Variants in CFAP77 observed in about 807,000 individuals in gnomAD.
CFAP77 encodes the protein cilia and flagella associated protein 77, also known as cilia- and flagella-associated protein 77.
A neutral mutation model predicts 31.1 loss-of-function variants in CFAP77; 25 were observed. That is an observed-to-expected ratio of 0.80 (90% CI 0.59 to 1.12). CFAP77 has a LOEUF of 1.12. Among genes scored for constraint, CFAP77 ranks in the 50% most tolerant of loss-of-function variants. The probability of loss-of-function intolerance (pLI) is 0.00; values close to 1 mark genes in which losing one functional copy is unlikely to be tolerated. For missense variants in CFAP77, 377 were observed against 397.3 expected, an observed-to-expected ratio of 0.95 and a Z score of 0.44; for synonymous variants, 151 against 159.9, an observed-to-expected ratio of 0.94 and a Z score of 0.42.
At chr9:132,514,460 G>A (rs1003031927) in intron 3 of CFAP77, among the ~76,000 whole-genome samples, 8 of 152,202 alleles carry the variant, frequency 5.3e-5, no homozygotes, top group South Asian at 2.1e-4. Context: ...CACTACCTCC[G>A]GGCAGAGGTG....
At chr9:132,493,218 C>G (rs1851678267) in intron 1 of CFAP77, among the ~76,000 whole-genome samples, 1 of 152,112 alleles carries the variant, frequency 6.6e-6, no homozygotes, top group Non-Finnish European at 1.5e-5. Flanking sequence ...TTCTGAGTGT[C>G]CAAATCTGCT....
chr9:132,537,795 G>T, intron 4 of CFAP77, 89 bp downstream of exon 4: 1 of 925,780 alleles, frequency 1.1e-6, no homozygotes, highest in Non-Finnish European at 1.7e-6. Flanking sequence ...GATGACACTT[G>T]TGTATGTTTG....
At chr9:132,572,132 T>C (rs1278379408) in intron 5 of CFAP77, among the ~76,000 whole-genome samples, 6 of 152,154 alleles carry the variant, frequency 3.9e-5, no homozygotes, top group African/African-American at 1.2e-4. Flanking sequence ...GGTCATGGCC[T>C]GGTGATTTTT....
intron 1 of CFAP77, among the ~76,000 whole-genome samples, chr9:132,425,313 C>T (rs183693026): frequency 9.2e-5 from 14 of 152,200 alleles, no homozygotes; most frequent in Admixed American, 3.3e-4. Context: ...CAGAAGGGCC[C>T]GATTCCCTTT....
rs1829983194 is a variant in CFAP77, at chr9:132,573,002, G to T, written c.*492G>T. ...GGATGCCTGATGTCTCATCACGGCA[G>T]TATTATCTCTCTGGGACCTCTGACA... is the stretch of plus-strand genomic sequence containing the variant. On this transcript the variant is annotated 3_prime_UTR_variant, in exon 6 of 6. Transcript: ENST00000393216. 1 of 155,520 alleles carries T rather than the reference G, an allele frequency of 6.4e-6. No homozygotes were observed. Among genetic ancestry groups the T allele is most frequent in the Non-Finnish European group, 1.4e-5 (1 of 70,456 alleles). The allele number at this position is 155,520 out of a possible 1,614,324, so 9.6% of individuals were successfully genotyped here. A position where few individuals can be genotyped will look rare whatever the true frequency, so the allele number is the denominator to read the frequency against.
Position 132,564,335 on chromosome 9 carries a change from A to G in CFAP77, c.733-8053A>G, listed in dbSNP as rs1254976190. On this transcript the variant is annotated intron_variant, in intron 5 of 5. Coordinates refer to ENST00000393216, the MANE Select transcript of CFAP77 (RefSeq NM_001282957.2). The surrounding 1 kb of genome is among the most constrained non-coding windows in gnomAD (Gnocchi z 4.6). ...TCATTGAAAGTAGAACAGATTTTTCAAGCAAGAATACAAAGCAAAACCTCA... is the reference window on the plus strand; with the variant it reads ...TCATTGAAAGTAGAACAGATTTTTCGAGCAAGAATACAAAGCAAAACCTCA... Among the ~76,000 whole-genome samples the G allele has an allele frequency of 1.3e-5, 2 of 152,234 alleles. No individual in the cohort carries two copies. The highest frequency in any genetic ancestry group is 2.9e-5 in the Non-Finnish European group (2 of 68,034).
chr9:132,421,725 GTCAT>G, intron 1 of CFAP77: 1 of 152,332 alleles, frequency 6.6e-6, no homozygotes, highest in Non-Finnish European at 1.5e-5. Flanking sequence ...GTGACATTCA[GTCAT>G]TCATTCATTT....
chr9:132,520,882 C>T (rs933788501), intron 3 of CFAP77, among the ~76,000 whole-genome samples: 6 of 152,360 alleles, frequency 3.9e-5, no homozygotes, highest in African/African-American at 9.6e-5. Flanking sequence ...CCAGGAGGGC[C>T]GTGCTGCCTA....
At chr9:132,568,389 T>C (rs1296146650) in intron 5 of CFAP77, among the ~76,000 whole-genome samples, 1 of 151,962 alleles carries the variant, frequency 6.6e-6, no homozygotes, top group Non-Finnish European at 1.5e-5. Flanking sequence ...ACCCCGTTTC[T>C]ACTAAAAATA....
rs546286486 is a variant in CFAP77, at chr9:132,420,630, C to T, written c.195+10164C>T. 5.3e-5 allele frequency among the ~76,000 whole-genome samples: 8 copies of T among 150,754 alleles called. No individual in the cohort carries two copies. In the South Asian group the frequency reaches 1.0e-3, roughly 20 times the overall value. On this transcript the variant is annotated intron_variant, in intron 1 of 5. Coordinates refer to ENST00000393216, the MANE Select transcript of CFAP77 (RefSeq NM_001282957.2). ...GAGCCAAGATCGCGCCATTGCACTC[C>T]GGCCTGCAGCCTGGGTGACAAGTGA...
chr9:132,476,708 G>A (rs1230045302), intron 1 of CFAP77, among the ~76,000 whole-genome samples: 1 of 152,120 alleles, frequency 6.6e-6, no homozygotes, highest in Non-Finnish European at 1.5e-5. Context: ...AGGGGAGAAG[G>A]CCATGTGGAA....
intron 3 of CFAP77, among the ~76,000 whole-genome samples, chr9:132,510,377 G>A (rs1012167586): frequency 2.0e-5 from 3 of 152,230 alleles, no homozygotes; most frequent in Admixed American, 1.3e-4. Context: ...TGGCCCGGCC[G>A]TGGGCCTCTT....
chr9:132,508,926 T>C (rs1386506685), intron 3 of CFAP77, among the ~76,000 whole-genome samples: 1 of 152,144 alleles, frequency 6.6e-6, no homozygotes, highest in Admixed American at 6.5e-5. Flanking sequence ...GCTGTTCATA[T>C]CCACAGGCCG....
intron 1 of CFAP77, chr9:132,482,394 C>T: frequency 6.2e-7 from 1 of 1,613,292 alleles, no homozygotes; most frequent in Non-Finnish European, 8.5e-7. Context: ...CCTTGCTGGA[C>T]ACCACATCAA....
chr9:132,510,912 C>T (rs766566550), intron 3 of CFAP77, among the ~76,000 whole-genome samples: 21 of 152,126 alleles, frequency 1.4e-4, no homozygotes, highest in Admixed American at 1.3e-4. Flanking sequence ...AACTGACTCT[C>T]TTATCCCCAT....
Position 132,499,465 on chromosome 9 carries a change from C to A in CFAP77, c.389C>A (p.Ala130Asp). The change falls in exon 3 of 6, where the codon GCC becomes GAC. Residue 130 changes from alanine (A) to aspartate (D), a missense_variant. By Grantham distance (126) the Ala-to-Asp change is moderately radical. Transcript: ENST00000393216. The surrounding 1 kb of genome is among the most constrained non-coding windows in gnomAD (Gnocchi z 5.4). ...GCAATGAACCGCGGGGCGGTGAAAG[C>A]CGGCCTGGTGACTGCCCGGGAGAAC... The part of the protein sequence containing the change: ...YIAMNRGAVK[A>D]GLVTARENLL... 1 of 1,614,222 alleles carries A rather than the reference C, an allele frequency of 6.2e-7. No individual in the cohort carries two copies. Among genetic ancestry groups the A allele is most frequent in the Non-Finnish European group, 8.5e-7 (1 of 1,180,046 alleles).
chr9:132,426,926 G>A (rs1191394740), intron 1 of CFAP77, among the ~76,000 whole-genome samples: 1 of 152,144 alleles, frequency 6.6e-6, no homozygotes, highest in Non-Finnish European at 1.5e-5. Context: ...ATTCAGGGAG[G>A]GCAGAGGGAA....
At chr9:132,530,771 G>A (rs1466448257) in intron 3 of CFAP77, among the ~76,000 whole-genome samples, 4 of 152,098 alleles carry the variant, frequency 2.6e-5, no homozygotes, top group Admixed American at 2.0e-4. Flanking sequence ...TTTTAATTCT[G>A]AGGAAGCCCA....
At chr9:132,496,301 T>C (rs764098595) in intron 1 of CFAP77, among the ~76,000 whole-genome samples, 1 of 152,222 alleles carries the variant, frequency 6.6e-6, no homozygotes, top group Non-Finnish European at 1.5e-5. Context: ...CATTATGCAA[T>C]GAATGACTTA....
Sources: allele counts gnomAD v4.1 joint callset (sites outside exome capture counted in the v4.1 genomes callset), GRCh38; gene constraint gnomAD v4.1.1; non-coding constraint Gnocchi (gnomAD v3.1); transcripts MANE v1.5; gene names NCBI Gene and HGNC (gene_info 2026-07-23, HGNC 2026-07-21).